The following NAALADL2 variants were observed in gnomAD, a reference collection of about 807,000 sequenced individuals.
NAALADL2 encodes the protein inactive N-acetylated-alpha-linked acidic dipeptidase-like protein 2.
In NAALADL2, 76 loss-of-function variants were observed where a neutral mutation model predicts 87.2. The ratio of observed to expected loss-of-function variants is 0.87; its 90% CI spans 0.72 to 1.05. The LOEUF (loss-of-function observed/expected upper bound fraction) is 1.05, where lower values mean the gene tolerates loss of function less well. Ranked by LOEUF, NAALADL2 falls within the 50% of genes least tolerant of loss-of-function variation. The pLI is 0.00. For missense variants in NAALADL2, 1,089 were observed against 945.8 expected (o/e 1.15, Z -1.99); for synonymous variants, 354 against 331.0 (o/e 1.07, Z -0.75).
At chr3:175,353,764 C>T (rs894422320) in intron 5 of NAALADL2, among the ~76,000 whole-genome samples, 1 of 152,282 alleles carries the variant, frequency 6.6e-6, no homozygotes. Context: ...TTTCCAAATA[C>T]AGCAAATTTT....
chr3:175,755,625 G>GA (rs1338944585), intron 13 of NAALADL2, among the ~76,000 whole-genome samples: 1 of 151,988 alleles, frequency 6.6e-6, no homozygotes, highest in Non-Finnish European at 1.5e-5. Flanking sequence ...CAGCAGCACA[G>GA]AAAAAATGAG....
chr3:174,920,742 T>A (rs544672593), intron 1 of NAALADL2, among the ~76,000 whole-genome samples: 1 of 152,348 alleles, frequency 6.6e-6, no homozygotes, highest in Non-Finnish European at 1.5e-5. Context: ...TTGGCTTACC[T>A]TGACTTTCAA....
At chr3:174,574,204 G>C (rs73042640) in intron 2 of NAALADL2, among the ~76,000 whole-genome samples, 34,216 of 151,844 alleles carry the variant, frequency 0.23, 4,765 homozygotes, top group African/African-American at 0.39. Context: ...TTCTAAACAC[G>C]CTTTTAAAAG....
intron 12 of NAALADL2, among the ~76,000 whole-genome samples, chr3:175,751,016 C>T (rs1292338360): frequency 6.7e-6 from 1 of 149,744 alleles, no homozygotes; most frequent in Non-Finnish European, 1.5e-5. Flanking sequence ...AAGTTAATTT[C>T]ATTTGTCTCA....
intron 1 of NAALADL2, among the ~76,000 whole-genome samples, chr3:174,891,782 G>C (rs1730893048): frequency 6.6e-6 from 1 of 152,124 alleles, no homozygotes; most frequent in Admixed American, 6.5e-5. Context: ...CAGAAGCAGT[G>C]GACCGGGGAA....
At chr3:175,271,512 G>A (rs1288073645) in intron 4 of NAALADL2, among the ~76,000 whole-genome samples, 1 of 152,072 alleles carries the variant, frequency 6.6e-6, no homozygotes, top group South Asian at 2.1e-4. Flanking sequence ...AGGCACTTAG[G>A]CCGGTGTGGT....
chr3:175,487,411 G>A lies in NAALADL2; in HGVS notation c.1653+15653G>A. 3 of 418,920 alleles carry A rather than the reference G, an allele frequency of 7.2e-6. 1 individual carries two copies. Among genetic ancestry groups the A allele is most frequent in the South Asian group, 5.2e-5 (3 of 57,226 alleles). The allele number at this position is 418,920 out of a possible 1,614,324, so 26.0% of individuals were successfully genotyped here. On this transcript the variant is annotated intron_variant, in intron 9 of 13. Transcript: ENST00000454872. ...TCTGATGTATTCCTGAAACCTAAAT[G>A]TGTATCTGGTACTTAGTGGGTTCTA...
chr3:175,345,694 A>AAGT (rs1394679567), intron 5 of NAALADL2, among the ~76,000 whole-genome samples: 5 of 152,132 alleles, frequency 3.3e-5, no homozygotes, highest in African/African-American at 1.2e-4. Context: ...GGGCAAAGAG[A>AAGT]AGTACCAGAG....
intron 11 of NAALADL2, among the ~76,000 whole-genome samples, chr3:175,641,608 G>A (rs934661196): frequency 8.5e-5 from 13 of 152,226 alleles, no homozygotes; most frequent in African/African-American, 2.9e-4. Flanking sequence ...CTCCAACCGT[G>A]ATTTATTGAC....
At chr3:174,806,278 C>T (rs1177443858) in intron 3 of NAALADL2, among the ~76,000 whole-genome samples, 2 of 152,180 alleles carry the variant, frequency 1.3e-5, no homozygotes, top group Admixed American at 1.3e-4. Context: ...CCTCTACAGT[C>T]CCAATTATTG....
rs1403338296 is a variant in NAALADL2, at chr3:175,058,706, A to T, written c.44-38084A>T. ...TGAAAGCTCGTAAGCTCATTTTTAG[A>T]AAAGAGGTGGAATTACAATAAGTGA... is the stretch of plus-strand genomic sequence containing the variant. On this transcript the variant is annotated intron_variant, in intron 1 of 13. Transcript: ENST00000454872. Among the ~76,000 whole-genome samples, 3 of 152,138 alleles carry T rather than the reference A, an allele frequency of 2.0e-5. No individual in the cohort carries two copies. In the East Asian group the frequency reaches 5.8e-4, roughly 29 times the overall value.
chr3:175,171,224 T>G (rs1734754423), intron 2 of NAALADL2, among the ~76,000 whole-genome samples: 1 of 152,140 alleles, frequency 6.6e-6, no homozygotes, highest in South Asian at 2.1e-4. Context: ...TGTCAGAAAC[T>G]TATATTACAG....
chr3:175,029,812 C>T (rs1369573485), intron 1 of NAALADL2, among the ~76,000 whole-genome samples: 1 of 151,988 alleles, frequency 6.6e-6, no homozygotes, highest in Non-Finnish European at 1.5e-5. Flanking sequence ...TTTTGTTCCC[C>T]AAGAGGTAAT....
rs181860957 is a variant in NAALADL2, at chr3:174,705,421, A to G, written c.-114-32220A>G. Among the ~76,000 whole-genome samples the G allele has an allele frequency of 1.3e-3, 204 of 152,312 alleles. 1 individual carries two copies. Among genetic ancestry groups the G allele is most frequent in the African/African-American group, 4.6e-3 (193 of 41,558 alleles). ...CTGTGACATATCTCAGTCCATGCAT[A>G]TAACTTATCATTACACAGTTACAAT... On this transcript the variant is annotated intron_variant, in intron 2 of 3. Coordinates refer to the NAALADL2 transcript ENST00000434257.
At chr3:174,515,677 A>G (rs1413762657) in intron 1 of NAALADL2, among the ~76,000 whole-genome samples, 1 of 150,018 alleles carries the variant, frequency 6.7e-6, no homozygotes, top group Non-Finnish European at 1.5e-5. Flanking sequence ...AAATCAGAGA[A>G]CTGACAATTG....
chr3:174,532,294 T>G (rs529153478), intron 1 of NAALADL2, among the ~76,000 whole-genome samples: 1 of 152,250 alleles, frequency 6.6e-6, no homozygotes, highest in East Asian at 1.9e-4. Context: ...GATCCATTAC[T>G]ATAACATAAA....
intron 13 of NAALADL2, among the ~76,000 whole-genome samples, chr3:175,759,829 A>T (rs1309421520): frequency 1.3e-5 from 2 of 152,098 alleles, no homozygotes; most frequent in African/African-American, 4.8e-5. Flanking sequence ...CTGAATGGTT[A>T]TTGGGTTAGT....
chr3:174,672,826 C>T (rs1726689104), intron 2 of NAALADL2, among the ~76,000 whole-genome samples: 1 of 151,844 alleles, frequency 6.6e-6, no homozygotes, highest in African/African-American at 2.4e-5. Flanking sequence ...GTCACTGTAA[C>T]TCAAATGAAG....
intron 1 of NAALADL2, among the ~76,000 whole-genome samples, chr3:175,052,814 T>C (rs547115146): frequency 6.6e-6 from 1 of 152,320 alleles, no homozygotes; most frequent in East Asian, 1.9e-4. Context: ...TAAAGGGCCA[T>C]ATCATTTGAG....
Sources: allele counts gnomAD v4.1 joint callset (sites outside exome capture counted in the v4.1 genomes callset), GRCh38; gene constraint gnomAD v4.1.1; transcripts MANE v1.5; gene names NCBI Gene and HGNC (gene_info 2026-07-23, HGNC 2026-07-21).